Variants in KCNJ12 observed in about 807,000 individuals in gnomAD.
The protein encoded by KCNJ12 is potassium inwardly rectifying channel subfamily J member 12.
KCNJ12 carries 2 observed loss-of-function variants against 22.3 expected under a neutral mutation model. That is an observed-to-expected ratio of 0.09 (90% CI 0.04 to 0.28). KCNJ12 has a LOEUF of 0.28. Ranked by LOEUF, KCNJ12 falls within the 10% of genes least tolerant of loss-of-function variation. The pLI is 1.00. For missense variants in KCNJ12, 155 were observed against 633.3 expected (o/e 0.24, Z 8.11); for synonymous variants, 117 against 261.4 (o/e 0.45, Z 5.33).
At chr17:21,388,640 C>G (rs1344849505) in intron 1 of KCNJ12, among the ~76,000 whole-genome samples, 1 of 152,136 alleles carries the variant, frequency 6.6e-6, no homozygotes, top group Non-Finnish European at 1.5e-5. Context: ...CGTGCTGAGG[C>G]TTGGCACCCC....
chr17:21,377,068 T>C (rs1904683303), intron 1 of KCNJ12, among the ~76,000 whole-genome samples, 155 bp downstream of exon 1: 1 of 152,186 alleles, frequency 6.6e-6, no homozygotes, highest in Non-Finnish European at 1.5e-5. Context: ...CTCGTTTTAT[T>C]TTTTTCCCTC....
intron 1 of KCNJ12, among the ~76,000 whole-genome samples, chr17:21,380,069 C>T (rs1021010873): frequency 2.0e-5 from 3 of 152,156 alleles, no homozygotes; most frequent in Non-Finnish European, 2.9e-5. Context: ...TCCACAGACA[C>T]ACCCCTCAGG....
At chr17:21,383,137 G>A (rs1904937846) in intron 1 of KCNJ12, among the ~76,000 whole-genome samples, 2 of 152,346 alleles carry the variant, frequency 1.3e-5, no homozygotes, top group East Asian at 1.9e-4. Flanking sequence ...GAAAGGCCGG[G>A]GGCAGGAGAG....
intron 1 of KCNJ12, among the ~76,000 whole-genome samples, chr17:21,387,185 A>C (rs1555558766): frequency 6.6e-6 from 1 of 151,422 alleles, no homozygotes; most frequent in Non-Finnish European, 1.5e-5. Flanking sequence ...AAAACAAGAA[A>C]CGTGCTCTCC....
chr17:21,379,407 C>G (rs539644563), intron 1 of KCNJ12, among the ~76,000 whole-genome samples: 44 of 152,350 alleles, frequency 2.9e-4, no homozygotes, highest in African/African-American at 9.4e-4. Flanking sequence ...CCTCACCCCC[C>G]CTGCTCCCAG....
intron 1 of KCNJ12, among the ~76,000 whole-genome samples, chr17:21,394,118 T>A (rs1483619947): frequency 1.3e-5 from 2 of 152,216 alleles, no homozygotes; most frequent in African/African-American, 2.4e-5. Flanking sequence ...CTCGTGGGGA[T>A]CTCGTCACGT....
intron 1 of KCNJ12, among the ~76,000 whole-genome samples, chr17:21,379,058 T>C (rs1555557616): frequency 6.6e-6 from 1 of 152,110 alleles, no homozygotes; most frequent in Non-Finnish European, 1.5e-5. Flanking sequence ...GGCCATGGTG[T>C]CCCCATCCCT....
At chr17:21,411,361 G>C (rs1323483023) in intron 2 of KCNJ12, among the ~76,000 whole-genome samples, 1 of 152,304 alleles carries the variant, frequency 6.6e-6, no homozygotes, top group Admixed American at 6.5e-5. Context: ...GTGGCCAGCA[G>C]GAAAGCAGGG....
intron 1 of KCNJ12, among the ~76,000 whole-genome samples, chr17:21,381,127 C>A (rs1208409635): frequency 6.6e-6 from 1 of 152,206 alleles, no homozygotes; most frequent in African/African-American, 2.4e-5. Context: ...TGCATTAATG[C>A]TGTCCTAGGG....
chr17:21,388,914 G>A (rs940926292), intron 1 of KCNJ12, among the ~76,000 whole-genome samples: 9 of 152,160 alleles, frequency 5.9e-5, no homozygotes, highest in African/African-American at 1.7e-4. Flanking sequence ...TCCAGGAGGC[G>A]TTTTGCCACT....
At chr17:21,384,770 GTTT>G (rs200586129) in intron 1 of KCNJ12, among the ~76,000 whole-genome samples, 1 of 128,666 alleles carries the variant, frequency 7.8e-6, no homozygotes. Flanking sequence ...TTGTTTGTTT[GTTT>G]TTTTTTTTTT....
Position 21,415,289 on chromosome 17 carries a change from G to A in KCNJ12, c.-54G>A. The A allele has an allele frequency of 1.3e-6, 2 of 1,572,646 alleles. No individual in the cohort carries two copies. The highest frequency in any genetic ancestry group is 1.1e-5 in the South Asian group (1 of 87,672). ...ACATGCTGTCGTCTCTGTTGCAGGA[G>A]CCGCCCTGCCTGGAGCTAGCCTGGG... On this transcript the variant is annotated splice_region_variant and 5_prime_UTR_variant, in exon 3 of 3. Coordinates refer to ENST00000583088, the MANE Select transcript of KCNJ12 (RefSeq NM_021012.5).
chr17:21,410,872 G>T (rs577358058), intron 2 of KCNJ12, among the ~76,000 whole-genome samples: 8 of 152,396 alleles, frequency 5.2e-5, no homozygotes, highest in African/African-American at 1.9e-4. Context: ...GTGATGGAAG[G>T]GATTAAATGA....
chr17:21,414,080 G>A (rs1906536888), intron 2 of KCNJ12, among the ~76,000 whole-genome samples: 1 of 152,310 alleles, frequency 6.6e-6, no homozygotes, highest in East Asian at 1.9e-4. Context: ...GGACACTGTA[G>A]AGTGGGGCAT....
At chr17:21,401,580 T>G (rs1297254015) in intron 1 of KCNJ12, among the ~76,000 whole-genome samples, 2 of 152,218 alleles carry the variant, frequency 1.3e-5, no homozygotes, top group Non-Finnish European at 2.9e-5. Flanking sequence ...ATGGGGCCTC[T>G]CATTTGACAA....
At chr17:21,386,172 C>T (rs1905062771) in intron 1 of KCNJ12, among the ~76,000 whole-genome samples, 1 of 152,272 alleles carries the variant, frequency 6.6e-6, no homozygotes, top group Admixed American at 6.5e-5. Flanking sequence ...CCGGTGTCTG[C>T]AGGGCTGGTT....
At chr17:21,381,340 G>A (rs1904860803) in intron 1 of KCNJ12, among the ~76,000 whole-genome samples, 1 of 152,112 alleles carries the variant, frequency 6.6e-6, no homozygotes, top group Non-Finnish European at 1.5e-5. Context: ...GCCACTCTGG[G>A]CCATTGTTCC....
intron 1 of KCNJ12, among the ~76,000 whole-genome samples, chr17:21,382,303 G>A (rs924853561): frequency 1.6e-4 from 24 of 152,186 alleles, no homozygotes; most frequent in African/African-American, 4.3e-4. Context: ...GGCCTGGGGC[G>A]TGGGGCCTCT....
intron 1 of KCNJ12, among the ~76,000 whole-genome samples, chr17:21,395,264 C>G (rs542044633): frequency 6.9e-6 from 1 of 144,960 alleles, no homozygotes; most frequent in South Asian, 2.2e-4. Context: ...CACTGCACTC[C>G]AGCCTAGGCG....
Sources: gnomAD v4.1 joint callset for allele counts (sites outside exome capture counted in the v4.1 genomes callset) on GRCh38, gnomAD v4.1.1 for gene constraint, MANE v1.5 for transcripts, NCBI Gene and HGNC (gene_info 2026-07-23, HGNC 2026-07-21) for gene names.